The following RBFOX1 variants were observed in gnomAD, a reference collection of about 807,000 sequenced individuals.
The protein encoded by RBFOX1 is RNA binding protein fox-1 homolog 1.
Under a neutral mutation model 57.7 loss-of-function variants are expected in RBFOX1, and 8 were observed. That is an observed-to-expected ratio of 0.14 (90% CI 0.08 to 0.25). The LOEUF (loss-of-function observed/expected upper bound fraction) is 0.25, where lower values mean the gene tolerates loss of function less well. RBFOX1 is among the 10% of genes least tolerant of loss of function. RBFOX1 has a pLI of 1.00. For synonymous variants in RBFOX1, 326 were observed against 222.4 expected, an observed-to-expected ratio of 1.47 and a Z score of -4.15; for missense variants, 611 against 548.5, an observed-to-expected ratio of 1.11 and a Z score of -1.14.
intron 2 of RBFOX1, among the ~76,000 whole-genome samples, chr16:6,523,710 T>C (rs1010666540): frequency 3.3e-5 from 5 of 152,178 alleles, no homozygotes; most frequent in Admixed American, 2.6e-4. Flanking sequence ...ACTTCAAAAT[T>C]ATACATTCAT....
At chr16:7,028,763 G>C (rs1425231167) in intron 3 of RBFOX1, among the ~76,000 whole-genome samples, 1 of 151,554 alleles carries the variant, frequency 6.6e-6, no homozygotes, top group South Asian at 2.1e-4. Flanking sequence ...GTGGAGGTTC[G>C]TAATGTGAGT....
At chr16:5,867,358 C>A (rs2057367083) in intron 4 of RBFOX1, 1 of 1,175,054 alleles carries the variant, frequency 8.5e-7, no homozygotes, top group Non-Finnish European at 1.1e-6. Context: ...GTTTTTCTGT[C>A]CCTTTAGAAG....
At chr16:7,209,271 G>A (rs971857732) in intron 4 of RBFOX1, among the ~76,000 whole-genome samples, 2 of 152,174 alleles carry the variant, frequency 1.3e-5, no homozygotes, top group Admixed American at 1.3e-4. Flanking sequence ...AGAGGCAGAG[G>A]TTGCAGTGAG....
At chr16:6,571,299 G>C (rs777871703) in intron 2 of RBFOX1, among the ~76,000 whole-genome samples, 30 of 152,222 alleles carry the variant, frequency 2.0e-4, no homozygotes, top group Non-Finnish European at 3.5e-4. Context: ...CTGGAATCCA[G>C]TGGGAGGAGC....
At chr16:5,527,553 A>G (rs569978901) in intron 2 of RBFOX1, among the ~76,000 whole-genome samples, 1 of 152,294 alleles carries the variant, frequency 6.6e-6, no homozygotes, top group South Asian at 2.1e-4. Flanking sequence ...GCCACTGAAT[A>G]TGTAGGGGCT....
intron 3 of RBFOX1, among the ~76,000 whole-genome samples, chr16:6,890,442 C>T (rs776060548): frequency 6.6e-6 from 1 of 152,178 alleles, no homozygotes; most frequent in Non-Finnish European, 1.5e-5. Flanking sequence ...TCACTTAAAC[C>T]CAGATGGCAG....
intron 1 of RBFOX1, among the ~76,000 whole-genome samples, chr16:6,101,867 A>G (rs562295749): frequency 5.9e-5 from 9 of 152,120 alleles, no homozygotes; most frequent in Admixed American, 1.3e-4. Flanking sequence ...TGTAGTGGGA[A>G]TCTGTGGGGC....
chr16:7,653,656 G>C (rs1379253376), intron 11 of RBFOX1, among the ~76,000 whole-genome samples, 159 bp from the exon 12 acceptor site: 3 of 152,314 alleles, frequency 2.0e-5, no homozygotes, highest in Non-Finnish European at 4.4e-5. Context: ...CCTGGCCACC[G>C]TGCTGCTCTC....
intron 4 of RBFOX1, among the ~76,000 whole-genome samples, chr16:5,904,350 A>T (rs1396345396): frequency 6.6e-6 from 1 of 152,126 alleles, no homozygotes; most frequent in Non-Finnish European, 1.5e-5. Flanking sequence ...GCCTGCTCCC[A>T]GCAGAGGCTG....
rs148139535 is a variant in RBFOX1 at position 6,628,755 on chromosome 16, G to A, written c.-63-25848G>A. Among the ~76,000 whole-genome samples the A allele has an allele frequency of 2.5e-3, 387 of 152,236 alleles. 5 individuals carry two copies. The highest frequency in any genetic ancestry group is 8.6e-3 in the African/African-American group (356 of 41,546). Reference sequence around the variant, plus strand: ...ACAGCTGAGTACACTTTTGTAACACGAAGCTCTGTGAAGATATAGAACTGT... The same window carrying A: ...ACAGCTGAGTACACTTTTGTAACACAAAGCTCTGTGAAGATATAGAACTGT... On this transcript the variant is annotated intron_variant, in intron 2 of 15. Transcript: ENST00000550418.
At chr16:7,350,399 C>G (rs1405785509) in intron 4 of RBFOX1, among the ~76,000 whole-genome samples, 3 of 152,138 alleles carry the variant, frequency 2.0e-5, no homozygotes, top group Non-Finnish European at 4.4e-5. Flanking sequence ...ATGAAAAACA[C>G]AAAGTCAGGT....
chr16:5,593,484 G>T (rs1017994430), intron 2 of RBFOX1, among the ~76,000 whole-genome samples: 1 of 152,066 alleles, frequency 6.6e-6, no homozygotes, highest in African/African-American at 2.4e-5. Flanking sequence ...AAAACTTAAA[G>T]TATAATTTAG....
At chr16:5,909,063 A>G (rs940245181) in intron 4 of RBFOX1, among the ~76,000 whole-genome samples, 1 of 143,752 alleles carries the variant, frequency 7.0e-6, no homozygotes, top group Non-Finnish European at 1.5e-5. Context: ...GTATTTTATT[A>G]TATCGGCTCC....
At chr16:6,251,591 G>C (rs1322342009) in intron 1 of RBFOX1, among the ~76,000 whole-genome samples, 2 of 151,902 alleles carry the variant, frequency 1.3e-5, no homozygotes, top group Non-Finnish European at 2.9e-5. Context: ...GGAGGTAGGG[G>C]GAGAGAGAGA....
At chr16:6,091,513 C>A (rs1458791866) in intron 1 of RBFOX1, among the ~76,000 whole-genome samples, 1 of 138,052 alleles carries the variant, frequency 7.2e-6, no homozygotes, top group Non-Finnish European at 1.5e-5. Flanking sequence ...CCTCAACTGA[C>A]TACATGGTAG....
intron 2 of RBFOX1, among the ~76,000 whole-genome samples, chr16:6,318,982 T>C (rs959130591): frequency 6.6e-6 from 1 of 151,948 alleles, no homozygotes; most frequent in Admixed American, 6.6e-5. Flanking sequence ...AGTCACTTCC[T>C]CTGGAACAAA....
chr16:5,980,438 T>C (rs999455693), intron 4 of RBFOX1, among the ~76,000 whole-genome samples: 1 of 152,168 alleles, frequency 6.6e-6, no homozygotes, highest in Admixed American at 6.5e-5. Context: ...CTCAGGATCC[T>C]GCAGGAGGCC....
At chr16:5,742,542 C>T (rs1360718307) in intron 3 of RBFOX1, among the ~76,000 whole-genome samples, 2 of 152,142 alleles carry the variant, frequency 1.3e-5, no homozygotes, top group Non-Finnish European at 2.9e-5. Context: ...TCTCTTGCAT[C>T]CTCCGGTGCC....
intron 1 of RBFOX1, among the ~76,000 whole-genome samples, chr16:6,201,848 C>G (rs1054642083): frequency 1.3e-5 from 2 of 152,072 alleles, no homozygotes; most frequent in Non-Finnish European, 2.9e-5. Context: ...TAAAATTGTT[C>G]CATACTCTGT....
Sources: allele counts gnomAD v4.1 joint callset (sites outside exome capture counted in the v4.1 genomes callset), GRCh38; gene constraint gnomAD v4.1.1; transcripts MANE v1.5; gene names NCBI Gene and HGNC (gene_info 2026-07-23, HGNC 2026-07-21).